KREMEN1: variants seen among roughly 807,000 people sequenced by gnomAD.
KREMEN1 encodes kremen protein 1.
In KREMEN1, 30 loss-of-function variants were observed where a neutral mutation model predicts 46.5. The ratio of observed to expected loss-of-function variants is 0.65; its 90% CI spans 0.48 to 0.88. The LOEUF is 0.88. Ranked by LOEUF, KREMEN1 falls within the 40% of genes least tolerant of loss-of-function variation. KREMEN1 has a pLI of 0.00. For missense variants in KREMEN1, 533 were observed against 596.9 expected (o/e 0.89, Z 1.11); for synonymous variants, 214 against 230.6 (o/e 0.93, Z 0.65).
At chr22:29,154,522 C>G (rs1455502097) in intron 9 of KREMEN1, 2 of 152,290 alleles carry the variant, frequency 1.3e-5, no homozygotes, top group East Asian at 1.9e-4. Flanking sequence ...AGGAGCTGCC[C>G]GCCCGCCCAG....
At chr22:29,137,219 CAGAT>C in intron 5 of KREMEN1, 119 bp from the exon 6 acceptor site, 1 of 622,252 alleles carries the variant, frequency 1.6e-6, no homozygotes, top group Non-Finnish European at 2.6e-6. Context: ...TCAGGTTTTA[CAGAT>C]AGAAACAATG....
chr22:29,093,179 C>T (rs1601760658), intron 1 of KREMEN1, among the ~76,000 whole-genome samples: 1 of 152,072 alleles, frequency 6.6e-6, no homozygotes, highest in East Asian at 1.9e-4. Flanking sequence ...TCATGTTGTT[C>T]ACACGCTTAG....
chr22:29,088,306 T>TACAC (rs199764170), intron 1 of KREMEN1, among the ~76,000 whole-genome samples: 14,065 of 149,812 alleles, frequency 0.094, 881 homozygotes, highest in East Asian at 0.32. Flanking sequence ...CACGCGTGCA[T>TACAC]ACACACACAC....
exon 10 of KREMEN1, chr22:29,167,804 G>T (rs141174664): frequency 6.6e-6 from 1 of 152,334 alleles, no homozygotes; most frequent in Non-Finnish European, 1.5e-5. Flanking sequence ...GACTTCACAG[G>T]AAGCAGGATT....
rs74423676 is a variant in KREMEN1, at chr22:29,145,645, G to A, written c.*3533G>A. The A allele has an allele frequency of 0.079, 78,216 of 985,480 alleles. 3,365 individuals carry two copies. Among genetic ancestry groups the A allele is most frequent in the South Asian group, 0.13 (2,814 of 21,286 alleles). 61.0% of individuals were successfully genotyped at this position (985,480 alleles called of 1,614,324 possible). On this transcript the variant is annotated 3_prime_UTR_variant, in exon 9 of 9. Coordinates refer to ENST00000400335, the MANE Select transcript of KREMEN1 (RefSeq NM_001039570.3). ...GGCACACGGTGCCCTGTTCTTCCCC[G>A]TTTGTCCAGTTGCTTGCAAAGCAGA...
At chr22:29,079,219 C>T (rs1486761890) in intron 1 of KREMEN1, among the ~76,000 whole-genome samples, 1 of 152,064 alleles carries the variant, frequency 6.6e-6, no homozygotes, top group East Asian at 1.9e-4. Context: ...AATTCCTTCC[C>T]CTCCTTTTAA....
intron 3 of KREMEN1, among the ~76,000 whole-genome samples, chr22:29,115,201 T>C (rs112122761): frequency 0.067 from 10,155 of 152,296 alleles, 420 homozygotes; most frequent in East Asian, 0.12. Context: ...CCAAACATTG[T>C]ATGTTCTCAC....
chr22:29,125,681 C>T (rs1480548239), intron 5 of KREMEN1, among the ~76,000 whole-genome samples: 2 of 152,200 alleles, frequency 1.3e-5, no homozygotes, highest in Admixed American at 1.3e-4. Flanking sequence ...GATGCTTAGA[C>T]AACCCAGAAA....
chr22:29,099,058 A>C, intron 3 of KREMEN1, 105 bp downstream of exon 3: 7 of 816,468 alleles, frequency 8.6e-6, no homozygotes, highest in Non-Finnish European at 1.3e-5. Context: ...GGTGGATTTC[A>C]TGGAGCATGT....
chr22:29,079,462 A>G (rs1267292674), intron 1 of KREMEN1, among the ~76,000 whole-genome samples: 1 of 152,240 alleles, frequency 6.6e-6, no homozygotes, highest in Non-Finnish European at 1.5e-5. Context: ...CAAGTAGCCA[A>G]AGCATTAAAC....
intron 1 of KREMEN1, among the ~76,000 whole-genome samples, chr22:29,092,244 A>C (rs902001770): frequency 6.6e-6 from 1 of 152,100 alleles, no homozygotes; most frequent in African/African-American, 2.4e-5. Flanking sequence ...TCGGAAGTGG[A>C]GTGAGGGAGA....
At chr22:29,161,506 CAAAAAAAAAA>C (rs35296953) in intron 9 of KREMEN1, among the ~76,000 whole-genome samples, 2 of 63,322 alleles carry the variant, frequency 3.2e-5, no homozygotes, top group Non-Finnish European at 5.5e-5. Context: ...GACTCCATCT[CAAAAAAAAAA>C]AAAAAAAAAA....
intron 3 of KREMEN1, among the ~76,000 whole-genome samples, chr22:29,120,651 G>GAAGGAGGGAGA (rs1556010274): frequency 2.6e-5 from 4 of 151,884 alleles, no homozygotes; most frequent in Non-Finnish European, 4.4e-5. Flanking sequence ...GGAAACAGAG[G>GAAGGAGGGAGA]GTGAAATGGT....
In KREMEN1 at chr22:29,146,324, G is replaced by A; in HGVS notation, c.*4212G>A. ...CAGCTGTCTCCCCTCAGGCTGGACG[G>A]CTCCGGGGTGACAGGGCTTCACCCT... On this transcript the variant is annotated 3_prime_UTR_variant, in exon 9 of 9. Transcript: ENST00000400335. 5.1e-6 allele frequency: 5 copies of A among 985,902 alleles called. No homozygotes were observed. The highest frequency in any genetic ancestry group is 6.0e-6 in the Non-Finnish European group (5 of 829,974). 61.1% of individuals were successfully genotyped at this position (985,902 alleles called of 1,614,324 possible).
At chr22:29,120,102 T>G (rs2038312603) in intron 3 of KREMEN1, among the ~76,000 whole-genome samples, 1 of 67,486 alleles carries the variant, frequency 1.5e-5, no homozygotes, top group Non-Finnish European at 3.1e-5. Flanking sequence ...GGAGAGGTGA[T>G]GAAGGAAATG....
At chr22:29,147,796 G>A (rs2038884002), downstream of KREMEN1, among the ~76,000 whole-genome samples, 1 of 152,222 alleles carries the variant, frequency 6.6e-6, no homozygotes, top group South Asian at 2.1e-4. Flanking sequence ...TCCCAGGGCA[G>A]GGGCACGTGC....
intron 8 of KREMEN1, among the ~76,000 whole-genome samples, chr22:29,141,341 G>A (rs938790674): frequency 1.3e-5 from 2 of 152,024 alleles, no homozygotes; most frequent in Non-Finnish European, 2.9e-5. Context: ...CAATTCACAT[G>A]CTCTGGGGAA....
chr22:29,152,739 C>G (rs114016823), intron 9 of KREMEN1, among the ~76,000 whole-genome samples: 6,245 of 152,214 alleles, frequency 0.041, 210 homozygotes, highest in East Asian at 0.1. Context: ...GGGTCTCACT[C>G]TGTCGCCCAG....
chr22:29,105,463 GCACACACACACACATACACACA>G (rs1943960159), intron 3 of KREMEN1, among the ~76,000 whole-genome samples: 1 of 112,880 alleles, frequency 8.9e-6, no homozygotes, highest in African/African-American at 3.1e-5. Flanking sequence ...GTGCGTGTGC[GCACACACACACACATACACACA>G]CACACACACA....
Sources: gnomAD v4.1 joint callset for allele counts (sites outside exome capture counted in the v4.1 genomes callset) on GRCh38, gnomAD v4.1.1 for gene constraint, MANE v1.5 for transcripts, NCBI Gene and HGNC (gene_info 2026-07-23, HGNC 2026-07-21) for gene names.